The following IGSF10 variants were observed in gnomAD, a reference collection of about 807,000 sequenced individuals.
IGSF10 encodes the protein calvaria mechanical force protein 608.
Under a neutral mutation model 128.2 loss-of-function variants are expected in IGSF10, and 126 were observed. The observed-to-expected ratio is 0.98, with a 90% CI of 0.85 to 1.14. The LOEUF is 1.14. Ranked by LOEUF, IGSF10 falls within the 50% of genes most tolerant of loss-of-function variation. The pLI is 0.00. For missense variants in IGSF10, 3,295 were observed against 3,149.8 expected (o/e 1.05, Z -1.10); for synonymous variants, 1,185 against 1,146.2 (o/e 1.03, Z -0.68).
chr3:151,447,637 C>T lies in IGSF10; in HGVS notation c.2344G>A (p.Val782Met), dbSNP rs371735907. Residue 782 changes from valine to methionine, a missense_variant, in exon 6 of 8, where the codon GTG becomes ATG. Val to Met is a conservative substitution (Grantham distance 21). Coordinates refer to ENST00000282466, the MANE Select transcript of IGSF10 (RefSeq NM_178822.5). ...RENTTVSPPP[V>M]VTQLPNIPGE... is the part of the protein sequence containing the mutation. ...GGTATGTTTGGGAGTTGGGTGACCA[C>T]TGGGGGTGGGCTCACTGTGGTATTT... 9.3e-6 allele frequency: 15 copies of T among 1,614,034 alleles called. No individual in the cohort carries two copies. Among genetic ancestry groups the T allele is most frequent in the African/African-American group, 1.3e-5 (1 of 74,914 alleles).
At chr3:151,525,002 CTTTTTTTTTTTTTTTTTTTTTTTTTT>C in the IGSF10 span, among the ~76,000 whole-genome samples, 2 of 49,692 alleles carry the variant, frequency 4.0e-5, no homozygotes, top group Non-Finnish European at 6.9e-5. Flanking sequence ...TGCATTACAC[CTTTTTTTTTTTTTTTTTTTTTTTTTT>C]TTTTTTTTTT....
chr3:151,448,949 T>G lies in IGSF10; in HGVS notation c.1032A>C (p.Ala344=). 6.2e-7 allele frequency: 1 copy of G among 1,614,206 alleles called. No homozygotes were observed. Among genetic ancestry groups the G allele is most frequent in the Non-Finnish European group, 8.5e-7 (1 of 1,180,032 alleles). Residue 344 remains alanine (A), a synonymous_variant, in exon 6 of 8, where the codon GCA becomes GCC. Transcript: ENST00000282466. ...CGATGTAGTCATTTTCTTCAGTGAA[T>G]GCAATGGGTGATGTCCTTGAGGGCT... is the stretch of plus-strand genomic sequence containing the variant. ...IQKPSRTSPI[A]FTEENDYIVL...
the IGSF10 span, among the ~76,000 whole-genome samples, chr3:151,613,357 G>A: frequency 7.2e-5 from 11 of 152,166 alleles, no homozygotes; most frequent in East Asian, 3.9e-4. Context: ...AAAAGAGCCC[G>A]CATCGCCAAG....
At chr3:151,571,012 T>G in the IGSF10 span, among the ~76,000 whole-genome samples, 1 of 152,338 alleles carries the variant, frequency 6.6e-6, no homozygotes, top group South Asian at 2.1e-4. Context: ...CATTGCTTGT[T>G]TTTGTCAGGT....
chr3:151,503,864 G>A, the IGSF10 span, among the ~76,000 whole-genome samples: 1 of 152,036 alleles, frequency 6.6e-6, no homozygotes, highest in Non-Finnish European at 1.5e-5. Flanking sequence ...AGGGGGTCGA[G>A]TTCTTCTTGC....
At chr3:151,500,283 T>C in the IGSF10 span, among the ~76,000 whole-genome samples, 1 of 151,196 alleles carries the variant, frequency 6.6e-6, no homozygotes, top group Non-Finnish European at 1.5e-5. Flanking sequence ...GAATGAATCA[T>C]GTATTGTGTA....
At chr3:151,509,562 C>T in the IGSF10 span, among the ~76,000 whole-genome samples, 13 of 152,312 alleles carry the variant, frequency 8.5e-5, no homozygotes, top group South Asian at 2.1e-4. Flanking sequence ...ACACAGAAGA[C>T]GGGTGATTTC....
rs775552255 is a variant in IGSF10 at position 151,448,560 on chromosome 3, A to G, written c.1421T>C (p.Met474Thr). 20 of 1,614,092 alleles carry G rather than the reference A, an allele frequency of 1.2e-5. No homozygotes were observed. The highest frequency in any genetic ancestry group is 1.6e-4 in the Middle Eastern group (1 of 6,084). The change falls in exon 6 of 8, where the codon ATG becomes ACG. Residue 474 changes from methionine to threonine, a missense_variant. Coordinates refer to ENST00000282466, the MANE Select transcript of IGSF10 (RefSeq NM_178822.5). ...CTTAGTATTGTTATCCCTTGAAATC[A>G]TAGTCCATTTGTGTTTCACTGGCCT... ...EMRPVKHKWT[M>T]ISRDNNTKLE...
At chr3:151,564,816 G>A in the IGSF10 span, among the ~76,000 whole-genome samples, 8 of 147,342 alleles carry the variant, frequency 5.4e-5, no homozygotes, top group East Asian at 2.0e-4. Context: ...AAAGGTAAGC[G>A]TGCAGTTGAA....
the IGSF10 span, among the ~76,000 whole-genome samples, chr3:151,499,049 G>C: frequency 6.6e-6 from 1 of 152,016 alleles, no homozygotes; most frequent in Non-Finnish European, 1.5e-5. Context: ...TAAAGTGATA[G>C]CAAGTGAGTA....
At chr3:151,581,947 T>C in the IGSF10 span, among the ~76,000 whole-genome samples, 1 of 152,014 alleles carries the variant, frequency 6.6e-6, no homozygotes, top group Non-Finnish European at 1.5e-5. Context: ...ACACCTGTAA[T>C]CCCAGCTACT....
chr3:151,437,205 C>T lies in IGSF10; in HGVS notation c.7356G>A (p.Leu2452=). 1 of 1,613,606 alleles carries T rather than the reference C, an allele frequency of 6.2e-7. No homozygotes were observed. The highest frequency in any genetic ancestry group is 1.1e-5 in the South Asian group (1 of 91,072). ...VKGISGESLS[L]HCVSDGIPKP... ...TAGGGATTCCATCAGACACACAATGCAGTGATAGAGATTCTCCACTGATGC... is the reference window on the plus strand; with the variant it reads ...TAGGGATTCCATCAGACACACAATGTAGTGATAGAGATTCTCCACTGATGC... Residue 2452 remains leucine, a synonymous_variant, in exon 8 of 8, where the codon CTG becomes CTA. Coordinates refer to ENST00000282466, the MANE Select transcript of IGSF10 (RefSeq NM_178822.5).
the IGSF10 span, among the ~76,000 whole-genome samples, chr3:151,611,498 G>T: frequency 6.6e-6 from 1 of 152,134 alleles, no homozygotes; most frequent in Non-Finnish European, 1.5e-5. Flanking sequence ...GTAAGTAGAG[G>T]CAAAGGGGAG....
chr3:151,571,105 C>T, the IGSF10 span, among the ~76,000 whole-genome samples: 1 of 152,174 alleles, frequency 6.6e-6, no homozygotes, highest in East Asian at 1.9e-4. Flanking sequence ...GGTTTTGGTA[C>T]CAGTACCATG....
the IGSF10 span, among the ~76,000 whole-genome samples, chr3:151,612,950 A>G: frequency 6.6e-6 from 1 of 152,200 alleles, no homozygotes; most frequent in Non-Finnish European, 1.5e-5. Context: ...AATTAGTTCA[A>G]CTTTTGTGTA....
chr3:151,549,758 C>T, the IGSF10 span, among the ~76,000 whole-genome samples: 2 of 152,096 alleles, frequency 1.3e-5, no homozygotes, highest in South Asian at 4.1e-4. Flanking sequence ...ACTCAATCTA[C>T]CTTCTTTACT....
At chr3:151,464,825 T>C (rs993684560), upstream of IGSF10, among the ~76,000 whole-genome samples, 1 of 152,180 alleles carries the variant, frequency 6.6e-6, no homozygotes, top group African/African-American at 2.4e-5. Context: ...TGAAGAGACA[T>C]AATGCAGGAA....
At chr3:151,562,801 C>A in the IGSF10 span, among the ~76,000 whole-genome samples, 21 of 152,116 alleles carry the variant, frequency 1.4e-4, no homozygotes, top group Admixed American at 5.2e-4. Flanking sequence ...AAAGAAGAGA[C>A]CCAAGTGAAT....
chr3:151,560,383 C>T, the IGSF10 span, among the ~76,000 whole-genome samples: 8 of 152,036 alleles, frequency 5.3e-5, no homozygotes, highest in African/African-American at 1.2e-4. Context: ...ACTCCTATTC[C>T]GTCTAACTCA....
Sources: allele counts gnomAD v4.1 joint callset (sites outside exome capture counted in the v4.1 genomes callset), GRCh38; gene constraint gnomAD v4.1.1; transcripts MANE v1.5; gene names NCBI Gene and HGNC (gene_info 2026-07-23, HGNC 2026-07-21).